Variants in ARHGEF38 observed in about 807,000 individuals in gnomAD.
ARHGEF38 encodes the protein Rho guanine nucleotide exchange factor 38, also known as Rho guanine nucleotide exchange factor (GEF) 38.
Under a neutral mutation model 79.9 loss-of-function variants are expected in ARHGEF38, and 79 were observed. The observed-to-expected ratio is 0.99, with a 90% confidence interval of 0.82 to 1.19. The LOEUF (loss-of-function observed/expected upper bound fraction) is 1.19, where lower values mean the gene tolerates loss of function less well. Among genes scored for constraint, ARHGEF38 ranks in the 50% most tolerant of loss-of-function variants. ARHGEF38 has a pLI of 0.00. For missense variants in ARHGEF38, 962 were observed against 907.2 expected, an observed-to-expected ratio of 1.06 and a Z score of -0.78; for synonymous variants, 366 against 328.3, an observed-to-expected ratio of 1.11 and a Z score of -1.24.
rs58232303 is a variant in ARHGEF38 at position 105,613,443 on chromosome 4, A to G, written c.444A>G (p.Ser148=). The change falls in exon 3 of 14, where the codon TCA becomes TCG. Residue 148 remains serine, a synonymous_variant. Coordinates refer to ENST00000420470, the MANE Select transcript of ARHGEF38 (RefSeq NM_001242729.2). ...FSNIESVHQI[S]AKLLSLLEEA... is the part of the protein sequence containing the mutation. ...ACATTGAGTCCGTGCATCAGATATC[A>G]GCCAAGCTGCTGTCATTGTTGGAAG... The G allele has an allele frequency of 9.3e-3, 14,931 of 1,613,344 alleles. 223 individuals are homozygous for G. Among genetic ancestry groups the G allele is most frequent in the African/African-American group, 0.067 (5,024 of 74,966 alleles).
intron 3 of ARHGEF38, among the ~76,000 whole-genome samples, chr4:105,629,188 A>G (rs1004629794): frequency 6.6e-6 from 1 of 152,164 alleles, no homozygotes. Flanking sequence ...TCTGATTTCA[A>G]GTTTAGTGTT....
Position 105,645,188 on chromosome 4 carries a change from A to C in ARHGEF38, c.675A>C (p.Glu225Asp), listed in dbSNP as rs1424762148. ...IQSLKKIYMQ[E>D]GKPNLLDMGS... is the part of the protein sequence containing the mutation. Reference sequence around the variant, plus strand: ...CTGATATTATTTATCTGTATTGTAGAGGCAAACCAAACTTATTGGACATGG... The same window carrying C: ...CTGATATTATTTATCTGTATTGTAGCGGCAAACCAAACTTATTGGACATGG... Residue 225 changes from glutamate to aspartate, a missense_variant and splice_region_variant, in exon 6 of 14, where the codon GAA becomes GAC. Physicochemically the swap from Glu to Asp is conservative, Grantham distance 45 (BLOSUM62 2). Transcript: ENST00000420470. 1 of 1,502,906 alleles carries C rather than the reference A, an allele frequency of 6.7e-7. No individual in the cohort carries two copies. Among genetic ancestry groups the C allele is most frequent in the African/African-American group, 1.4e-5 (1 of 71,930 alleles). 93.1% of individuals were successfully genotyped at this position (1,502,906 alleles called of 1,614,324 possible).
chr4:105,555,715 T>C (rs1725223194), intron 1 of ARHGEF38, among the ~76,000 whole-genome samples: 1 of 152,154 alleles, frequency 6.6e-6, no homozygotes, highest in African/African-American at 2.4e-5. Context: ...AGTTATTTAA[T>C]TGGTTGTCCT....
chr4:105,578,731 G>A (rs545441042), intron 1 of ARHGEF38, among the ~76,000 whole-genome samples: 12 of 152,072 alleles, frequency 7.9e-5, no homozygotes, highest in African/African-American at 2.2e-4. Flanking sequence ...ATTCCTGTTC[G>A]CTTTGGTTTC....
At chr4:105,589,151 T>C (rs1464562069) in intron 1 of ARHGEF38, 97 bp from the exon 2 acceptor site, 9 of 971,922 alleles carry the variant, frequency 9.3e-6, no homozygotes, top group Non-Finnish European at 1.4e-5. Context: ...CTTCAGCCTT[T>C]TTCCTTGTTA....
intron 7 of ARHGEF38, among the ~76,000 whole-genome samples, chr4:105,652,997 A>G (rs1730168649): frequency 6.6e-6 from 1 of 152,226 alleles, no homozygotes; most frequent in Non-Finnish European, 1.5e-5. Flanking sequence ...AAGCTTAATA[A>G]TACATACCCT....
chr4:105,625,514 A>G (rs753002404), intron 3 of ARHGEF38, among the ~76,000 whole-genome samples: 4 of 152,240 alleles, frequency 2.6e-5, no homozygotes, highest in Non-Finnish European at 2.9e-5. Flanking sequence ...TCCAGCTCAC[A>G]GCTCCACTCA....
chr4:105,554,314 C>G (rs752624349), intron 1 of ARHGEF38, among the ~76,000 whole-genome samples: 4 of 152,124 alleles, frequency 2.6e-5, no homozygotes, highest in Non-Finnish European at 4.4e-5. Flanking sequence ...GGGTACTGAG[C>G]ATAGTACCCA....
At chr4:105,590,073 AAG>A in intron 2 of ARHGEF38, among the ~76,000 whole-genome samples, 1 of 127,046 alleles carries the variant, frequency 7.9e-6, no homozygotes, top group South Asian at 2.9e-4. Flanking sequence ...AAAAGAAAGA[AAG>A]AAGGAAGGAA....
At chr4:105,631,353 G>A in intron 4 of ARHGEF38, 1 of 1,021,758 alleles carries the variant, frequency 9.8e-7, no homozygotes, top group Non-Finnish European at 1.2e-6. Flanking sequence ...AACTTGCCTG[G>A]CCCCACGTAG....
intron 7 of ARHGEF38, among the ~76,000 whole-genome samples, chr4:105,650,789 C>T (rs968369766): frequency 5.3e-5 from 8 of 152,146 alleles, no homozygotes; most frequent in Non-Finnish European, 1.0e-4. Context: ...CCTTAATATC[C>T]TTCTAGGGGC....
rs1434554418 is a variant in ARHGEF38 at position 105,653,933 on chromosome 4, C to T, written c.1009-132C>T. 3 of 436,048 alleles carry T rather than the reference C, an allele frequency of 6.9e-6. No individual in the cohort carries two copies. In the East Asian group the frequency reaches 9.7e-5, roughly 14 times the overall value. The allele number at this position is 436,048 out of a possible 1,614,324, so 27.0% of individuals were successfully genotyped here. On this transcript the variant is annotated intron_variant, in intron 7 of 13. Transcript: ENST00000420470. Reference sequence around the variant, plus strand: ...CAGAGAAAGTATGTGTTAAGACAGACAGCATGTCATCAAATGTTTTCATAT... The same window carrying T: ...CAGAGAAAGTATGTGTTAAGACAGATAGCATGTCATCAAATGTTTTCATAT...
rs537414622 is a variant in ARHGEF38, at chr4:105,641,769, C to A, written c.675-3419C>A. On this transcript the variant is annotated intron_variant, in intron 5 of 13. Coordinates refer to ENST00000420470, the MANE Select transcript of ARHGEF38 (RefSeq NM_001242729.2). ...CATAATGTTTATATTATTTAAAAAT[C>A]ATTTTAATTTTCATTGTACTTTTTT... Among the ~76,000 whole-genome samples the A allele has an allele frequency of 2.6e-5, 4 of 151,146 alleles. No homozygotes were observed. The South Asian group carries it at 6.3e-4, about 24-fold the overall frequency.
chr4:105,659,385 C>T lies in ARHGEF38; in HGVS notation c.1545+20C>T. Reference sequence around the variant, plus strand: ...GTGCCGGTAAGCACAGCACCAACACCTAGCTAGCTACCTTGGCCTACTGGA... The same window carrying T: ...GTGCCGGTAAGCACAGCACCAACACTTAGCTAGCTACCTTGGCCTACTGGA... On this transcript the variant is annotated intron_variant, in intron 10 of 13. Transcript: ENST00000420470. The T allele has an allele frequency of 6.6e-7, 1 of 1,521,350 alleles. No individual in the cohort carries two copies. Among genetic ancestry groups the T allele is most frequent in the Non-Finnish European group, 8.8e-7 (1 of 1,139,126 alleles). 94.2% of individuals were successfully genotyped at this position (1,521,350 alleles called of 1,614,324 possible).
intron 2 of ARHGEF38, among the ~76,000 whole-genome samples, chr4:105,592,753 A>G (rs1029488235): frequency 6.6e-6 from 1 of 152,120 alleles, no homozygotes; most frequent in African/African-American, 2.4e-5. Context: ...CTCTCAGCTT[A>G]TGCCCTTTTC....
chr4:105,577,855 T>C (rs190813030), intron 1 of ARHGEF38, among the ~76,000 whole-genome samples: 4 of 152,298 alleles, frequency 2.6e-5, no homozygotes, highest in Admixed American at 6.5e-5. Context: ...CTATCAATTT[T>C]GTTTATCTTT....
At chr4:105,661,677 A>T (rs1730570200) in intron 10 of ARHGEF38, among the ~76,000 whole-genome samples, 1 of 152,028 alleles carries the variant, frequency 6.6e-6, no homozygotes, top group African/African-American at 2.4e-5. Context: ...ATATTTGCAT[A>T]TACACATCTG....
intron 4 of ARHGEF38, among the ~76,000 whole-genome samples, chr4:105,635,414 T>C (rs1331264795): frequency 6.6e-6 from 1 of 152,122 alleles, no homozygotes; most frequent in Non-Finnish European, 1.5e-5. Flanking sequence ...TGTTATGATA[T>C]TTAGGTTTTA....
At chr4:105,646,832 GT>G (rs34986019) in intron 6 of ARHGEF38, among the ~76,000 whole-genome samples, 9,138 of 143,220 alleles carry the variant, frequency 0.064, 901 homozygotes, top group African/African-American at 0.23. Flanking sequence ...AATCCAGAGG[GT>G]TTTTTTTTTA....
Sources: allele counts gnomAD v4.1 joint callset (sites outside exome capture counted in the v4.1 genomes callset), GRCh38; gene constraint gnomAD v4.1.1; transcripts MANE v1.5; gene names NCBI Gene and HGNC (gene_info 2026-07-23, HGNC 2026-07-21).